The following CYP2E1 variants were observed in gnomAD, a reference collection of about 807,000 sequenced individuals.
The protein encoded by CYP2E1 is cytochrome P450 2E1.
A neutral mutation model predicts 42.9 loss-of-function variants in CYP2E1; 31 were observed. The observed-to-expected ratio is 0.72, with a 90% CI of 0.54 to 0.98. The LOEUF is 0.98. Among genes scored for constraint, CYP2E1 ranks in the 50% least tolerant of loss-of-function variants. The pLI is 0.00. For missense variants in CYP2E1, 565 were observed against 633.2 expected, an observed-to-expected ratio of 0.89 and a Z score of 1.16; for synonymous variants, 244 against 248.9, an observed-to-expected ratio of 0.98 and a Z score of 0.19.
chr10:133,537,306 C>T (rs1851418303), intron 7 of CYP2E1, 56 bp downstream of exon 7: 5 of 1,566,944 alleles, frequency 3.2e-6, no homozygotes, highest in Admixed American at 3.5e-5. Flanking sequence ...AGCTAATCGC[C>T]TTCCTGCCAG....
intron 8 of CYP2E1, among the ~76,000 whole-genome samples, chr10:133,538,144 T>C (rs2133600986): frequency 6.6e-6 from 1 of 152,224 alleles, no homozygotes; most frequent in Non-Finnish European, 1.5e-5. Flanking sequence ...AGACTAGACA[T>C]TTTACATCAT....
At position 133,537,189 on chromosome 10, in the gene CYP2E1, C is replaced by T; in HGVS notation, c.1094C>T (p.Pro365Leu). ...ATTCAGCGGTTCATCACCCTCGTGC[C>T]CTCCAACCTGCCCCATGAAGCAACC... ...HEIQRFITLV[P>L]SNLPHEATRD... Residue 365 changes from proline (P) to leucine (L), a missense_variant, in exon 7 of 9, where the codon CCC (proline) becomes CTC (leucine). Transcript: ENST00000252945. The T allele has an allele frequency of 6.2e-7, 1 of 1,613,956 alleles. No homozygotes were observed. The highest frequency in any genetic ancestry group is 1.7e-5 in the Admixed American group (1 of 59,996).
chr10:133,528,048 T>C (rs1317100239), intron 1 of CYP2E1: 1 of 225,344 alleles, frequency 4.4e-6, no homozygotes, highest in Non-Finnish European at 8.7e-6. Flanking sequence ...AGGCGCTGGG[T>C]GTTTGCGCTC....
intron 6 of CYP2E1, among the ~76,000 whole-genome samples, chr10:133,534,913 G>A (rs1458535784): frequency 6.6e-6 from 1 of 151,406 alleles, no homozygotes; most frequent in South Asian, 2.1e-4. Flanking sequence ...TGCCCAGGCT[G>A]GAGTGCGGTG....
At chr10:133,533,253 G>T (rs1051811156) in intron 5 of CYP2E1, among the ~76,000 whole-genome samples, 1 of 152,198 alleles carries the variant, frequency 6.6e-6, no homozygotes, top group African/African-American at 2.4e-5. Flanking sequence ...CCACCTGCAG[G>T]TGCTCAGGAT....
intron 1 of CYP2E1, chr10:133,528,168 A>C: frequency 3.5e-6 from 1 of 289,410 alleles, no homozygotes. Context: ...GGAAGCGGGC[A>C]ACGGGGTGGT....
In CYP2E1 at chr10:133,532,254, C is replaced by T. The variant is rs1564848273; in HGVS notation, c.618C>T (p.Asn206=). 1.2e-6 allele frequency: 2 copies of T among 1,613,792 alleles called. No individual in the cohort carries two copies. The highest frequency in any genetic ancestry group is 1.7e-6 in the Non-Finnish European group (2 of 1,179,792). ...FLRLMYLFNE[N]FHLLSTPWLQ... is the part of the protein sequence containing the mutation. The stretch of plus-strand genomic sequence containing the variant: ...GGCTGATGTATTTGTTTAATGAGAA[C>T]TTCCACCTACTCAGCACTCCCTGGC... Residue 206 remains asparagine, a synonymous_variant, in exon 4 of 9, where the codon AAC becomes AAT. Coordinates refer to ENST00000252945, the MANE Select transcript of CYP2E1 (RefSeq NM_000773.4).
chr10:133,527,769 G>A lies in CYP2E1; in HGVS notation c.177+197G>A, dbSNP rs572322439. 2.0e-5 allele frequency among the ~76,000 whole-genome samples: 3 copies of A among 152,282 alleles called. No homozygotes were observed. In the East Asian group the frequency reaches 5.8e-4, roughly 30 times the overall value. On this transcript the variant is annotated intron_variant, in intron 1 of 8. Transcript: ENST00000252945. ...CTGGAGCCCGGAGCCTGCGTGCCAG[G>A]CCCCGGAGGCCCCCGCCGGTGCCTT...
chr10:133,531,924 A>G, intron 3 of CYP2E1, 190 bp downstream of exon 3: 6 of 752,014 alleles, frequency 8.0e-6, no homozygotes, highest in Non-Finnish European at 1.3e-5. Context: ...AAGGGTGGCC[A>G]TTAAACACGT....
Position 133,527,439 on chromosome 10 carries a change from C to T in CYP2E1, c.44C>T (p.Ala15Val), listed in dbSNP as rs1467974326. Residue 15 changes from alanine to valine, a missense_variant, in exon 1 of 9, where the codon GCC (alanine) becomes GTC (valine). By Grantham distance (64) the Ala-to-Val change is moderately conservative. Transcript: ENST00000252945. Reference protein sequence around the residue: ...GVTVALLVWAAFLLLVSMWRQ... With the variant: ...GVTVALLVWAVFLLLVSMWRQ... ...ACCGTGGCCCTGCTGGTGTGGGCGG[C>T]CTTCCTCCTGCTGGTGTCCATGTGG... 3.1e-6 allele frequency: 5 copies of T among 1,613,308 alleles called. No individual in the cohort carries two copies. Among genetic ancestry groups the T allele is most frequent in the African/African-American group, 2.7e-5 (2 of 74,910 alleles).
rs780808608 is a variant in CYP2E1 at position 133,528,540 on chromosome 10, G to A, written c.237G>A (p.Val79=). ...TLYVGSQRMV[V]MHGYKAVKEA... is the part of the protein sequence containing the mutation. Reference sequence around the variant, plus strand: ...ACGTGGGCTCGCAGCGCATGGTGGTGATGCACGGCTACAAGGCGGTGAAGG... The same window carrying A: ...ACGTGGGCTCGCAGCGCATGGTGGTAATGCACGGCTACAAGGCGGTGAAGG... The change falls in exon 2 of 9, where the codon GTG becomes GTA. Residue 79 remains valine, a synonymous_variant. Coordinates refer to ENST00000252945, the MANE Select transcript of CYP2E1 (RefSeq NM_000773.4). 1.2e-6 allele frequency: 2 copies of A among 1,613,456 alleles called. No individual in the cohort carries two copies. Among genetic ancestry groups the A allele is most frequent in the East Asian group, 4.5e-5 (2 of 44,864 alleles).
At chr10:133,536,974 G>A (rs1294622702) in intron 6 of CYP2E1, 89 bp from the exon 7 acceptor site, 1 of 470,964 alleles carries the variant, frequency 2.1e-6, no homozygotes, top group Non-Finnish European at 3.7e-6. Context: ...ATGGATAAAA[G>A]CGTGATTGAA....
At chr10:133,530,118 T>A (rs907870610) in intron 2 of CYP2E1, among the ~76,000 whole-genome samples, 2 of 152,100 alleles carry the variant, frequency 1.3e-5, no homozygotes, top group African/African-American at 2.4e-5. Flanking sequence ...AAAGTTTCAT[T>A]TTCATATGAC....
chr10:133,533,020 C>A, intron 5 of CYP2E1, 152 bp downstream of exon 5: 2 of 764,110 alleles, frequency 2.6e-6, no homozygotes, highest in Non-Finnish European at 3.9e-6. Flanking sequence ...TTCAGCATGA[C>A]CACTGGACGC....
At chr10:133,537,329 G>A (rs1851418494) in intron 7 of CYP2E1, 79 bp downstream of exon 7, 1 of 1,497,728 alleles carries the variant, frequency 6.7e-7, no homozygotes, top group African/African-American at 1.4e-5. Context: ...AGCAGGATGG[G>A]GGCCCCAAGA....
chr10:133,531,382 A>C (rs1851333553), intron 2 of CYP2E1, among the ~76,000 whole-genome samples: 1 of 152,128 alleles, frequency 6.6e-6, no homozygotes, highest in South Asian at 2.1e-4. Context: ...AGGACCCCAG[A>C]AAGGCTCCTC....
rs897753951 is a variant in CYP2E1 at position 133,538,761 on chromosome 10, A to G, written c.1298-19A>G. 1 of 1,610,624 alleles carries G rather than the reference A, an allele frequency of 6.2e-7. No individual in the cohort carries two copies. The highest frequency in any genetic ancestry group is 8.5e-7 in the Non-Finnish European group (1 of 1,177,520). The stretch of plus-strand genomic sequence containing the variant: ...CTGAAACTCCCTCAGTGTCTCATCA[A>G]TACCATTGTTACTTCTAGGAAAACG... On this transcript the variant is annotated intron_variant, in intron 8 of 8. Coordinates refer to ENST00000252945, the MANE Select transcript of CYP2E1 (RefSeq NM_000773.4).
chr10:133,532,001 T>C, intron 3 of CYP2E1, 123 bp from the exon 4 acceptor site: 1 of 938,142 alleles, frequency 1.1e-6, no homozygotes, highest in South Asian at 1.6e-5. Flanking sequence ...TCACTATCTT[T>C]CGTAAACTGG....
At position 133,532,840 on chromosome 10, in the gene CYP2E1, C is replaced by T; in HGVS notation, c.797C>T (p.Thr266Ile). ...GACCCCAACTGTCCCCGGGACCTCA[C>T]CGACTGCCTGCTCGTGGAAATGGAG... is the stretch of plus-strand genomic sequence containing the variant. The part of the protein sequence containing the change: ...SLDPNCPRDL[T>I]DCLLVEMEKE... Residue 266 changes from threonine to isoleucine, a missense_variant, in exon 5 of 9, where the codon ACC becomes ATC. Coordinates refer to ENST00000252945, the MANE Select transcript of CYP2E1 (RefSeq NM_000773.4). 1 of 1,608,832 alleles carries T rather than the reference C, an allele frequency of 6.2e-7. No individual in the cohort carries two copies. The highest frequency in any genetic ancestry group is 1.1e-5 in the South Asian group (1 of 89,836).
Sources: gnomAD v4.1 joint callset for allele counts (sites outside exome capture counted in the v4.1 genomes callset) on GRCh38, gnomAD v4.1.1 for gene constraint, MANE v1.5 for transcripts, NCBI Gene and HGNC (gene_info 2026-07-23, HGNC 2026-07-21) for gene names.